Variants in SRP54 observed in about 807,000 individuals in gnomAD.
SRP54 encodes signal recognition particle subunit SRP54.
SRP54 carries 10 observed loss-of-function variants against 64.8 expected under a neutral mutation model. The observed-to-expected ratio is 0.15, with a 90% CI of 0.10 to 0.26. The LOEUF is 0.26. SRP54 is among the 10% of genes least tolerant of loss of function. The pLI is 1.00. For synonymous variants in SRP54, 193 were observed against 185.6 expected (o/e 1.04, Z -0.32); for missense variants, 325 against 613.7 (o/e 0.53, Z 4.97).
chr14:34,995,158 T>TGTGTGG (rs1376770398), intron 1 of SRP54, among the ~76,000 whole-genome samples: 13 of 138,962 alleles, frequency 9.4e-5, no homozygotes, highest in African/African-American at 3.4e-4. Flanking sequence ...TGTGTGTGTG[T>TGTGTGG]GTGTGTGTGT....
At chr14:35,011,768 C>T (rs2044360554) in intron 8 of SRP54, 109 bp downstream of exon 8, 1 of 997,382 alleles carries the variant, frequency 1.0e-6, no homozygotes, top group Non-Finnish European at 1.4e-6. Flanking sequence ...TGAGGCAGAT[C>T]CCCAGTAATT....
In SRP54 at chr14:34,987,015, A is replaced by G. The variant is rs577435958; in HGVS notation, c.-34+3800A>G. ...TGGGAGGCCAAGGCAGGCAGATCAC[A>G]AGGTCAGGAGATCCAGAGCATCCTG... is the stretch of plus-strand genomic sequence containing the variant. On this transcript the variant is annotated intron_variant, in intron 1 of 15. Coordinates refer to ENST00000216774, the MANE Select transcript of SRP54 (RefSeq NM_003136.4). Among the ~76,000 whole-genome samples the G allele has an allele frequency of 5.9e-5, 9 of 151,914 alleles. No individual in the cohort carries two copies. The East Asian group carries it at 1.7e-3, about 29-fold the overall frequency.
intron 4 of SRP54, among the ~76,000 whole-genome samples, chr14:35,003,890 C>T (rs1027639536): frequency 7.9e-5 from 12 of 151,526 alleles, no homozygotes; most frequent in African/African-American, 2.9e-4. Context: ...GCCGAGACCA[C>T]GCCACTGCAC....
chr14:35,020,477 C>G (rs2139019567), intron 13 of SRP54, among the ~76,000 whole-genome samples: 1 of 152,354 alleles, frequency 6.6e-6, no homozygotes, highest in East Asian at 1.9e-4. Context: ...AAATTGGAGT[C>G]AGTTCTGTCA....
At chr14:35,002,776 C>T (rs939347818) in intron 4 of SRP54, among the ~76,000 whole-genome samples, 4 of 126,670 alleles carry the variant, frequency 3.2e-5, no homozygotes, top group Admixed American at 9.4e-5. Flanking sequence ...GACAGTCTGA[C>T]TCTGTTACCC....
intron 1 of SRP54, among the ~76,000 whole-genome samples, chr14:34,983,918 C>T (rs928832435): frequency 9.2e-5 from 14 of 152,174 alleles, no homozygotes; most frequent in Non-Finnish European, 2.1e-4. Flanking sequence ...TGTGGGAGAG[C>T]TAAAGTGCTC....
Position 35,022,898 on chromosome 14 carries a change from C to T in SRP54, c.1157-12C>T. 6.3e-7 allele frequency: 1 copy of T among 1,587,762 alleles called. No homozygotes were observed. Among genetic ancestry groups the T allele is most frequent in the Non-Finnish European group, 8.6e-7 (1 of 1,166,122 alleles). ...GATAATTGTGTGTGAGAGTAACTGA[C>T]CTTGTCTACAGAACTAGACAGTACG... On this transcript the variant is annotated splice_polypyrimidine_tract_variant and intron_variant, in intron 13 of 15. Transcript: ENST00000216774.
Position 35,011,522 on chromosome 14 carries a change from G to T in SRP54, c.499G>T (p.Asp167Tyr). ...IPFYGSYTEM[D>Y]PVIIASEGVE... is the part of the protein sequence containing the mutation. ...CATGTTATATAGCTATACAGAAATG[G>T]ATCCTGTCATCATTGCTTCTGAAGG... is the stretch of plus-strand genomic sequence containing the variant. The change falls in exon 8 of 16, where the codon GAT becomes TAT. Residue 167 changes from aspartate to tyrosine, a missense_variant. This residue lies in a region of SRP54 where 156 missense variants were observed against 254.6 expected (regional missense o/e 0.61). Transcript: ENST00000216774. 1 of 1,537,594 alleles carries T rather than the reference G, an allele frequency of 6.5e-7. No individual in the cohort carries two copies. The highest frequency in any genetic ancestry group is 1.3e-5 in the South Asian group (1 of 77,232).
At chr14:34,999,680 C>A in intron 3 of SRP54, 31 bp downstream of exon 3, 1 of 1,505,102 alleles carries the variant, frequency 6.6e-7, no homozygotes, top group Non-Finnish European at 9.2e-7. Flanking sequence ...AAAACACAGG[C>A]ACAGTTTAGT....
intron 13 of SRP54, among the ~76,000 whole-genome samples, chr14:35,020,948 AACTCTGTCGTATTAC>A: frequency 6.6e-6 from 1 of 152,288 alleles, no homozygotes; most frequent in South Asian, 2.1e-4. Context: ...CTATTTGCTT[AACTCTGTCGTATTAC>A]TTGCCACGAT....
rs775095974 is a variant in SRP54 at position 35,007,427 on chromosome 14, T to C, written c.360+40T>C. On this transcript the variant is annotated intron_variant, in intron 5 of 15. Transcript: ENST00000216774. ...ATTTAAAAAGAAGTCATATGGAAGA[T>C]AGGTTTGTATAAATCAAGTTTTGTA... is the stretch of plus-strand genomic sequence containing the variant. 4 of 1,299,956 alleles carry C rather than the reference T, an allele frequency of 3.1e-6. No individual in the cohort carries two copies. In the Admixed American group the frequency reaches 8.2e-5, roughly 27 times the overall value. The allele number at this position is 1,299,956 out of a possible 1,614,324, so 80.5% of individuals were successfully genotyped here. A position where few individuals can be genotyped will look rare whatever the true frequency, so the allele number is the denominator to read the frequency against.
At chr14:35,007,170 G>T (rs2044269889) in intron 4 of SRP54, 113 bp from the exon 5 acceptor site, 1 of 529,818 alleles carries the variant, frequency 1.9e-6, no homozygotes. Context: ...TCCAGCCTGG[G>T]TGACAAGAGT....
At chr14:35,011,753 G>A in intron 8 of SRP54, 94 bp downstream of exon 8, 1 of 1,132,404 alleles carries the variant, frequency 8.8e-7, no homozygotes. Context: ...ATTATTCTTT[G>A]CCTGTGAGGC....
intron 2 of SRP54, 109 bp downstream of exon 2, chr14:34,996,896 T>C: frequency 2.6e-6 from 2 of 766,092 alleles, no homozygotes; most frequent in Middle Eastern, 3.0e-4. Context: ...GTAGACTTAA[T>C]ACTTGTAGAT....
chr14:35,002,136 C>G (rs2044183355), intron 4 of SRP54, among the ~76,000 whole-genome samples: 1 of 152,014 alleles, frequency 6.6e-6, no homozygotes, highest in South Asian at 2.1e-4. Context: ...GGGTAACCAC[C>G]TGAGGTCAGG....
intron 1 of SRP54, among the ~76,000 whole-genome samples, chr14:34,996,348 C>T (rs2044073358): frequency 1.3e-5 from 2 of 152,034 alleles, no homozygotes; most frequent in Admixed American, 6.6e-5. Context: ...GTGCATGATA[C>T]ATAATTCAGT....
intron 5 of SRP54, among the ~76,000 whole-genome samples, chr14:35,008,380 G>A (rs988514509): frequency 2.0e-5 from 3 of 152,086 alleles, no homozygotes; most frequent in Non-Finnish European, 4.4e-5. Context: ...ATTAATAGTA[G>A]TTAACATTTT....
At chr14:35,019,742 TATC>T (rs1306242521) in intron 13 of SRP54, among the ~76,000 whole-genome samples, 3 of 152,196 alleles carry the variant, frequency 2.0e-5, no homozygotes, top group Non-Finnish European at 4.4e-5. Context: ...GTAAAGGAAA[TATC>T]ATGCAATAAA....
rs775850949 is a variant in SRP54 at position 35,013,844 on chromosome 14, G to T, written c.828G>T (p.Gly276=). ...GTCCGATTATTTTCATTGGTACAGG[G>T]GAACATATAGATGACTTTGAACCTT... ...TKSPIIFIGT[G]EHIDDFEPFK... Residue 276 remains glycine, a synonymous_variant, in exon 10 of 16, where the codon GGG becomes GGT. Transcript: ENST00000216774. 2.5e-6 allele frequency: 4 copies of T among 1,613,880 alleles called. No homozygotes were observed. Among genetic ancestry groups the T allele is most frequent in the Non-Finnish European group, 3.4e-6 (4 of 1,179,954 alleles).
Sources: allele counts gnomAD v4.1 joint callset (sites outside exome capture counted in the v4.1 genomes callset), GRCh38; gene constraint gnomAD v4.1.1; regional missense constraint gnomAD v4.1.1; transcripts MANE v1.5; gene names NCBI Gene and HGNC (gene_info 2026-07-23, HGNC 2026-07-21).